The following ZFP30 variants were observed in gnomAD, a reference collection of about 807,000 sequenced individuals.
ZFP30 encodes zinc finger protein 30 homolog.
A neutral mutation model predicts 12.3 loss-of-function variants in ZFP30; 16 were observed. That is an observed-to-expected ratio of 1.30 (90% confidence interval 0.88 to 1.98). ZFP30 has a LOEUF of 1.98. Among genes scored for constraint, ZFP30 ranks in the 30% most tolerant of loss-of-function variants. The pLI, the probability that ZFP30 is intolerant of heterozygous loss-of-function variation, is 0.00. For synonymous variants in ZFP30, 172 were observed against 201.0 expected (o/e 0.86, Z 1.22); for missense variants, 560 against 611.2 (o/e 0.92, Z 0.88).
chr19:37,647,927 G>A (rs1376108734), intron 2 of ZFP30, 28 bp from the exon 3 acceptor site: 5 of 1,360,804 alleles, frequency 3.7e-6, no homozygotes, highest in Non-Finnish European at 4.2e-6. Flanking sequence ...AAAATCATGA[G>A]AAGAGAACTG....
rs183674740 is a variant in ZFP30 at position 37,647,842 on chromosome 19, C to T, written c.-20G>A. ...AGCCATGATTTTAGAACTGCTAGAA[C>T]TGGTCAATTTTCCTCAAGGTTCATG... On this transcript the variant is annotated 5_prime_UTR_variant, in exon 3 of 6. Coordinates refer to ENST00000684514, the MANE Select transcript of ZFP30 (RefSeq NM_001320669.3). 3 of 1,614,132 alleles carry T rather than the reference C, an allele frequency of 1.9e-6. No homozygotes were observed. The East Asian group carries it at 6.7e-5, about 36-fold the overall frequency.
Position 37,639,889 on chromosome 19 carries a change from G to C in ZFP30, c.235+3376C>G, listed in dbSNP as rs558840149. ...AAGTGACAAGCCAGATCAAGATCTT[G>C]GTATTTTGAACATTCTCAGTTAGAA... On this transcript the variant is annotated intron_variant, in intron 5 of 5. Transcript: ENST00000684514. Among the ~76,000 whole-genome samples, 5 of 152,068 alleles carry C rather than the reference G, an allele frequency of 3.3e-5. No homozygotes were observed. The East Asian group carries it at 9.7e-4, about 29-fold the overall frequency.
In ZFP30 at chr19:37,632,969, G is replaced by GA. The variant is rs1428906076; in HGVS notation, c.*2011dup. Reference sequence around the variant, plus strand: ...GGTGGATCACCTGAGGTCAGGAGTTGAGACCAGCTTGGCCAACATGGTGAA... The same window carrying GA: ...GGTGGATCACCTGAGGTCAGGAGTTGAAGACCAGCTTGGCCAACATGGTGAA... On this transcript the variant is annotated 3_prime_UTR_variant, in exon 6 of 6. Transcript: ENST00000684514. 7.9e-5 allele frequency: 12 copies of GA among 152,286 alleles called. No individual in the cohort carries two copies. The highest frequency in any genetic ancestry group is 1.3e-4 in the Non-Finnish European group (9 of 68,080). The allele number at this position is 152,286 out of a possible 1,614,324, so 9.4% of individuals were successfully genotyped here.
At chr19:37,648,574 T>G (rs1239177853) in intron 2 of ZFP30, among the ~76,000 whole-genome samples, 4 of 152,128 alleles carry the variant, frequency 2.6e-5, no homozygotes, top group African/African-American at 7.2e-5. Flanking sequence ...CCCAGAGGGC[T>G]TCTTAAAACA....
At chr19:37,655,300 G>T (rs1021915789) in intron 1 of ZFP30, 120 bp downstream of exon 1, 1 of 152,358 alleles carries the variant, frequency 6.6e-6, no homozygotes, top group Admixed American at 6.5e-5. Flanking sequence ...ACCGGCCTGA[G>T]GCTCCACAGG....
chr19:37,633,833 A>T lies in ZFP30; in HGVS notation c.*1148T>A, dbSNP rs184033086. On this transcript the variant is annotated 3_prime_UTR_variant, in exon 6 of 6. Coordinates refer to ENST00000684514, the MANE Select transcript of ZFP30 (RefSeq NM_001320669.3). ...TTTGCCAAACTTGTTATTCATCCTC[A>T]TTTTTCTTTTGTATGAACAAAAGGA... 6.6e-6 allele frequency: 1 copy of T among 152,052 alleles called. No homozygotes were observed. The highest frequency in any genetic ancestry group is 1.5e-5 in the Non-Finnish European group (1 of 68,000). 9.4% of individuals were successfully genotyped at this position (152,052 alleles called of 1,614,324 possible). A position where few individuals can be genotyped will look rare whatever the true frequency, so the allele number is the denominator to read the frequency against.
At position 37,654,693 on chromosome 19, in the gene ZFP30, A is replaced by C. The variant is rs1269540667; in HGVS notation, c.-78+19T>G. 1.3e-5 allele frequency: 2 copies of C among 152,254 alleles called. No individual in the cohort carries two copies. The highest frequency in any genetic ancestry group is 1.3e-4 in the Admixed American group (2 of 15,286). 9.4% of individuals were successfully genotyped at this position (152,254 alleles called of 1,614,324 possible). On this transcript the variant is annotated intron_variant, in intron 2 of 5. Transcript: ENST00000684514. The stretch of plus-strand genomic sequence containing the variant: ...ACTCGAATGCATTTCACAGAAACAA[A>C]GCAGCAGCACGAACTCACAGGGAAC...
intron 2 of ZFP30, among the ~76,000 whole-genome samples, chr19:37,651,258 T>C (rs1448434159): frequency 2.0e-5 from 3 of 152,122 alleles, no homozygotes; most frequent in Non-Finnish European, 4.4e-5. Context: ...AATCATGTAA[T>C]TGAAGGATGA....
Position 37,647,894 on chromosome 19 carries a change from C to A in ZFP30, c.-72G>T, listed in dbSNP as rs1270906627. 8.4e-6 allele frequency: 13 copies of A among 1,550,086 alleles called. No homozygotes were observed. Among genetic ancestry groups the A allele is most frequent in the Middle Eastern group, 1.7e-4 (1 of 5,946 alleles). On this transcript the variant is annotated 5_prime_UTR_variant, in exon 3 of 6. Coordinates refer to ENST00000684514, the MANE Select transcript of ZFP30 (RefSeq NM_001320669.3). ...ACTTCAGAAGCAGGGTCCACAGACA[C>A]CAGAGCTGCAGAAAGAACATGTAAA...
At chr19:37,645,714 CAATA>C (rs1303860016) in intron 3 of ZFP30, among the ~76,000 whole-genome samples, 3 of 150,870 alleles carry the variant, frequency 2.0e-5, no homozygotes, top group Non-Finnish European at 4.4e-5. Context: ...AAAAAATTCT[CAATA>C]AATGGGATTT....
Position 37,634,300 on chromosome 19 carries a change from T to C in ZFP30, c.*681A>G, listed in dbSNP as rs894691806. On this transcript the variant is annotated 3_prime_UTR_variant, in exon 6 of 6. Transcript: ENST00000684514. The stretch of plus-strand genomic sequence containing the variant: ...TTCAGGTTCAATATTTTTGGCAAGA[T>C]GTGTATATCTTACTGTAGCACATTA... 3.9e-5 allele frequency: 6 copies of C among 152,240 alleles called. No homozygotes were observed. The highest frequency in any genetic ancestry group is 1.4e-4 in the African/African-American group (6 of 41,468). 9.4% of individuals were successfully genotyped at this position (152,240 alleles called of 1,614,324 possible).
Position 37,635,174 on chromosome 19 carries a change from T to A in ZFP30, c.1367A>T (p.His456Leu). The A allele has an allele frequency of 6.2e-7, 1 of 1,612,246 alleles. No individual in the cohort carries two copies. Among genetic ancestry groups the A allele is most frequent in the South Asian group, 1.1e-5 (1 of 90,844 alleles). The change falls in exon 6 of 6, where the codon CAT (histidine) becomes CTT (leucine). Residue 456 changes from histidine to leucine, a missense_variant. Transcript: ENST00000684514. ...CTTTTCACCAGTATGAATACTTTGA[T>A]GTTGGGTAAGTTGTGAAAGCAGTCT... ...TFRLLSQLTQ[H>L]QSIHTGEKPY...
At chr19:37,640,106 G>GT (rs1863504795) in intron 5 of ZFP30, among the ~76,000 whole-genome samples, 1 of 152,170 alleles carries the variant, frequency 6.6e-6, no homozygotes, top group Non-Finnish European at 1.5e-5. Context: ...TTTTGTCAAC[G>GT]TAGGCATGGG....
At chr19:37,639,151 A>G (rs1395253247) in intron 5 of ZFP30, among the ~76,000 whole-genome samples, 1 of 152,160 alleles carries the variant, frequency 6.6e-6, no homozygotes, top group Admixed American at 6.5e-5. Context: ...AATACAAAAT[A>G]TGGCAGTTGT....
intron 5 of ZFP30, among the ~76,000 whole-genome samples, chr19:37,642,837 C>T (rs779078761): frequency 7.9e-5 from 12 of 151,702 alleles, no homozygotes; most frequent in Admixed American, 2.0e-4. Context: ...GGGTGGATCA[C>T]GAGGTCAGAT....
intron 5 of ZFP30, 93 bp downstream of exon 5, chr19:37,643,172 T>TC: frequency 1.0e-6 from 1 of 954,886 alleles, no homozygotes; most frequent in Non-Finnish European, 1.6e-6. Context: ...TCAGGTCTCT[T>TC]CTTCACAATT....
chr19:37,638,422 G>T lies in ZFP30; in HGVS notation c.236-2117C>A, dbSNP rs565321896. Among the ~76,000 whole-genome samples, 4 of 152,308 alleles carry T rather than the reference G, an allele frequency of 2.6e-5. No individual in the cohort carries two copies. The South Asian group carries it at 8.3e-4, about 32-fold the overall frequency. ...AGGCTAGTAAAATTCTGAGCAAAGA[G>T]ATGTTTTTTGCAAATGCACCTGTTC... On this transcript the variant is annotated intron_variant, in intron 5 of 5. Coordinates refer to ENST00000684514, the MANE Select transcript of ZFP30 (RefSeq NM_001320669.3).
In ZFP30 at chr19:37,636,388, CAAAAAAAA is replaced by C. The variant is rs58180098; in HGVS notation, c.236-91_236-84del. 3 of 793,434 alleles carry C rather than the reference CAAAAAAAA, an allele frequency of 3.8e-6. No homozygotes were observed. In the African/African-American group the frequency reaches 7.8e-5, roughly 21 times the overall value. The allele number at this position is 793,434 out of a possible 1,614,324, so 49.1% of individuals were successfully genotyped here. A position where few individuals can be genotyped will look rare whatever the true frequency, so the allele number is the denominator to read the frequency against. On this transcript the variant is annotated intron_variant, in intron 5 of 5. Coordinates refer to ENST00000684514, the MANE Select transcript of ZFP30 (RefSeq NM_001320669.3). ...AAACTTTATAATAGAAATCGGTGAC[CAAAAAAAA>C]AAAAAAAGAAAAAGAAAGCCCAATT...
Position 37,634,919 on chromosome 19 carries a change from T to C in ZFP30, c.*62A>G. The C allele has an allele frequency of 6.9e-7, 1 of 1,454,614 alleles. No homozygotes were observed. Among genetic ancestry groups the C allele is most frequent in the Non-Finnish European group, 9.0e-7 (1 of 1,105,162 alleles). 90.1% of individuals were successfully genotyped at this position (1,454,614 alleles called of 1,614,324 possible). On this transcript the variant is annotated 3_prime_UTR_variant, in exon 6 of 6. Transcript: ENST00000684514. ...AGGGATTCCCACGTTCAAAAACCTT[T>C]CCTCTAGAATGTACTTCCTATGCTC... is the stretch of plus-strand genomic sequence containing the variant.
Sources: allele counts gnomAD v4.1 joint callset (sites outside exome capture counted in the v4.1 genomes callset), GRCh38; gene constraint gnomAD v4.1.1; transcripts MANE v1.5; gene names NCBI Gene and HGNC (gene_info 2026-07-23, HGNC 2026-07-21).